Variants in XPO5 observed in about 807,000 individuals in gnomAD.
The protein encoded by XPO5 is exportin 5, also known as exportin-5.
XPO5 carries 46 observed loss-of-function variants against 160.6 expected under a neutral mutation model. The observed-to-expected ratio is 0.29, with a 90% confidence interval of 0.23 to 0.37. The LOEUF (loss-of-function observed/expected upper bound fraction) is 0.37. Ranked by LOEUF, XPO5 falls within the 10% of genes least tolerant of loss-of-function variation. XPO5 has a pLI of 1.00. For synonymous variants in XPO5, 537 were observed against 519.3 expected (o/e 1.03, Z -0.46); for missense variants, 1,090 against 1,463.9 (o/e 0.74, Z 4.17).
chr6:43,560,955 G>T lies in XPO5; in HGVS notation c.1064C>A (p.Ser355Tyr), dbSNP rs1329836928. ...TGGATGGGTTGTGAAAGCAAGAAAA[G>T]ATTCCAGGTATTTTCCAAAGTTTGA... is the stretch of plus-strand genomic sequence containing the variant. ...TPSNFGKYLE[S>Y]FLAFTTHPSQ... The change falls in exon 10 of 32, where the codon TCT becomes TAT. Residue 355 changes from serine to tyrosine, a missense_variant. By Grantham distance (144) the Ser-to-Tyr change is moderately radical. Transcript: ENST00000265351. 2 of 1,613,942 alleles carry T rather than the reference G, an allele frequency of 1.2e-6. No individual in the cohort carries two copies.
At chr6:43,564,527 C>T (rs1238808415) in intron 8 of XPO5, among the ~76,000 whole-genome samples, 8 of 149,568 alleles carry the variant, frequency 5.3e-5, no homozygotes, top group African/African-American at 2.0e-4. Context: ...GAAACTCCAT[C>T]TCAAAAAAAA....
At position 43,560,911 on chromosome 6, in the gene XPO5, G is replaced by A; in HGVS notation, c.1095+13C>T. 6.2e-7 allele frequency: 1 copy of A among 1,609,280 alleles called. No homozygotes were observed. On this transcript the variant is annotated intron_variant, in intron 10 of 31. Coordinates refer to ENST00000265351, the MANE Select transcript of XPO5 (RefSeq NM_020750.3). ...TAACTAAACTTTTGAGAAGTTACCT[G>A]TATAAAGTTTACCTGACTTGGATGG...
intron 25 of XPO5, 105 bp from the exon 26 acceptor site, chr6:43,527,836 G>T: frequency 8.0e-7 from 1 of 1,247,054 alleles, no homozygotes; most frequent in Non-Finnish European, 1.1e-6. Context: ...TTCTCCTTTG[G>T]GTCTTCGTTT....
chr6:43,529,366 C>T (rs1188070465), intron 23 of XPO5: 1 of 333,246 alleles, frequency 3.0e-6, no homozygotes, highest in Admixed American at 4.4e-5. Flanking sequence ...CATGGTGAAA[C>T]CCCGTCTCTA....
chr6:43,556,948 T>A (rs1320372618), intron 12 of XPO5, among the ~76,000 whole-genome samples: 2 of 151,672 alleles, frequency 1.3e-5, no homozygotes, highest in African/African-American at 4.8e-5. Context: ...GCCAACATGA[T>A]GAAACCCAGT....
chr6:43,525,529 A>C, intron 28 of XPO5: 1 of 505,632 alleles, frequency 2.0e-6, no homozygotes, highest in Non-Finnish European at 3.5e-6. Flanking sequence ...AGAAAAAATC[A>C]AAATGTGAGA....
chr6:43,559,588 T>C (rs1582236451), intron 11 of XPO5, among the ~76,000 whole-genome samples: 1 of 152,220 alleles, frequency 6.6e-6, no homozygotes, highest in Non-Finnish European at 1.5e-5. Context: ...CCCTCCTATG[T>C]ACTTCCAAAG....
At position 43,563,417 on chromosome 6, in the gene XPO5, G is replaced by A. The variant is rs530301720; in HGVS notation, c.912-1071C>T. On this transcript the variant is annotated intron_variant, in intron 8 of 31. Transcript: ENST00000265351. ...CCCAAAATATGGGGATTACAGGCAT[G>A]AGCCATTGGGCCCGGCCTTGCTTTA... Among the ~76,000 whole-genome samples, 11 of 152,308 alleles carry A rather than the reference G, an allele frequency of 7.2e-5. No individual in the cohort carries two copies. The South Asian group carries it at 1.0e-3, about 14-fold the overall frequency.
intron 23 of XPO5, 133 bp from the exon 24 acceptor site, chr6:43,529,058 G>A (rs921367110): frequency 6.3e-6 from 7 of 1,115,854 alleles, no homozygotes; most frequent in Non-Finnish European, 9.0e-6. Flanking sequence ...TGTTAACAGT[G>A]AAAAAATCTT....
intron 21 of XPO5, among the ~76,000 whole-genome samples, chr6:43,532,613 G>A (rs1324595935): frequency 6.6e-6 from 1 of 152,134 alleles, no homozygotes; most frequent in East Asian, 1.9e-4. Context: ...CTGCCATTCT[G>A]TTTGTCCAGA....
chr6:43,547,279 CTT>C (rs574616909), intron 19 of XPO5: 143 of 411,350 alleles, frequency 3.5e-4, no homozygotes, highest in African/African-American at 2.7e-3. Flanking sequence ...TCACTTAAGA[CTT>C]TACATGCCAG....
rs59661301 is a variant in XPO5 at position 43,557,783 on chromosome 6, T to TA, written c.1312+717dup. On this transcript the variant is annotated intron_variant, in intron 12 of 31. Coordinates refer to ENST00000265351, the MANE Select transcript of XPO5 (RefSeq NM_020750.3). ...AATGAATTTTGTCTCAATAAAGCTG[T>TA]AAAAAAAAAAAAAAAAAAAAAAAAA... Among the ~76,000 whole-genome samples, 449 of 87,232 alleles carry TA rather than the reference T, an allele frequency of 5.1e-3. 9 individuals carry two copies. The highest frequency in any genetic ancestry group is 0.012 in the African/African-American group (284 of 24,034). The allele number at this position is 87,232 out of a possible 152,430, so 57.2% of individuals were successfully genotyped here.
intron 8 of XPO5, among the ~76,000 whole-genome samples, 180 bp downstream of exon 8, chr6:43,565,480 G>A (rs1036413476): frequency 1.3e-5 from 2 of 151,602 alleles, no homozygotes; most frequent in African/African-American, 2.4e-5. Flanking sequence ...CAGGAGAATC[G>A]CTTGATCCCA....
In XPO5 at chr6:43,523,806, C is replaced by T. The variant is rs752163480; in HGVS notation, c.*62G>A. 6.2e-6 allele frequency: 10 copies of T among 1,612,910 alleles called. No individual in the cohort carries two copies. The highest frequency in any genetic ancestry group is 5.0e-5 in the Admixed American group (3 of 59,986). ...GGCAGTGCAAGAAGGGCCTAGAGAT[C>T]GGCTACAAAGGGAAAGAAGAGATGA... On this transcript the variant is annotated 3_prime_UTR_variant, in exon 32 of 32. Coordinates refer to ENST00000265351, the MANE Select transcript of XPO5 (RefSeq NM_020750.3).
intron 20 of XPO5, among the ~76,000 whole-genome samples, chr6:43,537,178 C>T (rs1428312696): frequency 1.4e-5 from 2 of 146,338 alleles, no homozygotes; most frequent in East Asian, 1.9e-4. Context: ...GTCTGTGTTG[C>T]CCAGGCTGGT....
At chr6:43,574,583 T>G (rs995960827) in intron 1 of XPO5, among the ~76,000 whole-genome samples, 27 of 152,072 alleles carry the variant, frequency 1.8e-4, no homozygotes, top group Middle Eastern at 6.8e-3. Context: ...GTAGCCCTAC[T>G]AGTGTTGGAA....
At chr6:43,570,330 A>AAAG (rs1762949080) in intron 5 of XPO5, among the ~76,000 whole-genome samples, 172 bp downstream of exon 5, 3 of 150,030 alleles carry the variant, frequency 2.0e-5, no homozygotes, top group African/African-American at 7.4e-5. Flanking sequence ...AAAAAAAAAA[A>AAAG]AAAGAAAGAA....
intron 12 of XPO5, 163 bp from the exon 13 acceptor site, chr6:43,556,127 G>A: frequency 3.3e-6 from 3 of 908,256 alleles, no homozygotes; most frequent in South Asian, 2.2e-5. Context: ...CTTTATTAAC[G>A]AATCCAGAAG....
At chr6:43,560,876 T>C (rs370156105) in intron 10 of XPO5, 48 bp downstream of exon 10, 85 of 1,427,536 alleles carry the variant, frequency 6.0e-5, no homozygotes, top group African/African-American at 4.1e-4. Flanking sequence ...GTGCTTGACA[T>C]TGGTTCACCT....
Sources: allele counts gnomAD v4.1 joint callset (sites outside exome capture counted in the v4.1 genomes callset), GRCh38; gene constraint gnomAD v4.1.1; transcripts MANE v1.5; gene names NCBI Gene and HGNC (gene_info 2026-07-23, HGNC 2026-07-21).